The following COL10A1 variants were observed in gnomAD, a reference collection of about 807,000 sequenced individuals.
The protein encoded by COL10A1 is collagen type X alpha 1 chain, also known as collagen alpha-1(X) chain.
COL10A1 carries 10 observed loss-of-function variants against 18.2 expected under a neutral mutation model. The observed-to-expected ratio is 0.55, with a 90% confidence interval of 0.34 to 0.93. COL10A1 has a LOEUF of 0.93. COL10A1 is among the 40% of genes least tolerant of loss of function. The pLI, the probability that COL10A1 is intolerant of heterozygous loss-of-function variation, is 0.02. For missense variants in COL10A1, 897 were observed against 853.5 expected, an observed-to-expected ratio of 1.05 and a Z score of -0.64; for synonymous variants, 330 against 316.6, an observed-to-expected ratio of 1.04 and a Z score of -0.45.
upstream of COL10A1, among the ~76,000 whole-genome samples, chr6:116,163,141 A>ATATATATAT (rs1554197064): frequency 2.6e-4 from 23 of 88,398 alleles, no homozygotes; most frequent in African/African-American, 1.3e-3. Context: ...AAAAAAAAAA[A>ATATATATAT]ATATATATAT....
the COL10A1 span, among the ~76,000 whole-genome samples, chr6:116,189,722 G>GA: frequency 4.0e-5 from 6 of 149,422 alleles, no homozygotes; most frequent in Admixed American, 6.7e-5. Context: ...TTCTGAGGAT[G>GA]AAAAAAAAAT....
chr6:116,215,453 C>G, the COL10A1 span, among the ~76,000 whole-genome samples: 1 of 152,144 alleles, frequency 6.6e-6, no homozygotes, highest in Non-Finnish European at 1.5e-5. Context: ...AAGATTTCAT[C>G]TCTCCCTATG....
rs1779139180 is a variant in COL10A1 at position 116,121,805 on chromosome 6, G to A, written c.311C>T (p.Ala104Val). ...TCCTGGCACACCTGGTTTCCCTACA[G>A]CTGATGGTCCCGGTGGTCCTGGCAA... ...PGLPGPPGPS[A>V]VGKPGVPGLP... is the part of the protein sequence containing the mutation. Residue 104 changes from alanine (A) to valine (V), a missense_variant, in exon 3 of 3, where the codon GCT becomes GTT. Transcript: ENST00000651968. 1.1e-5 allele frequency: 18 copies of A among 1,613,906 alleles called. No homozygotes were observed. The highest frequency in any genetic ancestry group is 1.4e-5 in the Non-Finnish European group (17 of 1,179,928).
chr6:116,157,315 C>T lies in COL10A1; in HGVS notation c.-16+1299G>A, dbSNP rs144567712. Among the ~76,000 whole-genome samples, 518 of 152,210 alleles carry T rather than the reference C, an allele frequency of 3.4e-3. 15 individuals are homozygous for T. In the South Asian group the frequency reaches 0.045, roughly 13 times the overall value. On this transcript the variant is annotated intron_variant, in intron 1 of 1. Coordinates refer to the COL10A1 transcript ENST00000418500. Reference sequence around the variant, plus strand: ...TTGTGTGGCACCAGTCAGTTGTCAACGTAACTTGGTTAGTGGAACCCTAGA... The same window carrying T: ...TTGTGTGGCACCAGTCAGTTGTCAATGTAACTTGGTTAGTGGAACCCTAGA...
chr6:116,156,113 T>C (rs984265391), intron 1 of COL10A1, among the ~76,000 whole-genome samples: 8 of 152,184 alleles, frequency 5.3e-5, no homozygotes, highest in Non-Finnish European at 8.8e-5. Flanking sequence ...AGGTCAATAA[T>C]ACATATTTTC....
the COL10A1 span, among the ~76,000 whole-genome samples, chr6:116,173,180 C>T: frequency 2.3e-3 from 355 of 152,246 alleles, 2 homozygotes; most frequent in African/African-American, 7.9e-3. Flanking sequence ...TAAACCACAG[C>T]CCCTGGCAGT....
chr6:116,138,836 T>C (rs904355907), intron 1 of COL10A1, among the ~76,000 whole-genome samples: 1 of 152,126 alleles, frequency 6.6e-6, no homozygotes, highest in Non-Finnish European at 1.5e-5. Flanking sequence ...AACTATGATA[T>C]TGAGAGAGTA....
chr6:116,189,779 C>G, the COL10A1 span, among the ~76,000 whole-genome samples: 41 of 151,892 alleles, frequency 2.7e-4, no homozygotes, highest in Admixed American at 2.0e-4. Context: ...TACAAAAATC[C>G]ATTCATATGC....
the COL10A1 span, among the ~76,000 whole-genome samples, chr6:116,182,260 ATTTTCT>A: frequency 9.2e-5 from 9 of 97,826 alleles, no homozygotes; most frequent in South Asian, 2.7e-3. Flanking sequence ...TGTGTATCAC[ATTTTCT>A]TTTTCTTTAT....
chr6:116,151,413 A>G (rs1036816250), intron 1 of COL10A1, among the ~76,000 whole-genome samples: 1 of 152,214 alleles, frequency 6.6e-6, no homozygotes, highest in Non-Finnish European at 1.5e-5. Flanking sequence ...TTTTTGGTTT[A>G]TACCCTCTAA....
the COL10A1 span, among the ~76,000 whole-genome samples, chr6:116,184,334 C>G: frequency 6.6e-6 from 1 of 152,024 alleles, no homozygotes; most frequent in African/African-American, 2.4e-5. Context: ...CATTTATGTT[C>G]ATCAGGGATA....
Position 116,122,059 on chromosome 6 carries a change from T to G in COL10A1, c.155-98A>C, listed in dbSNP as rs1779148920. On this transcript the variant is annotated intron_variant, in intron 2 of 2. Transcript: ENST00000651968. ...CAAACTATGAATTGGGACACGATAT[T>G]TCAGCATCATTTATTCCATGTAGAC... The G allele has an allele frequency of 5.9e-6, 6 of 1,016,826 alleles. No individual in the cohort carries two copies. The South Asian group carries it at 7.6e-5, about 13-fold the overall frequency. 63.0% of individuals were successfully genotyped at this position (1,016,826 alleles called of 1,614,324 possible).
At chr6:116,194,162 A>C in the COL10A1 span, among the ~76,000 whole-genome samples, 13 of 152,120 alleles carry the variant, frequency 8.5e-5, no homozygotes, top group African/African-American at 3.1e-4. Context: ...CAGAATGTAC[A>C]AAAAATGTGA....
At chr6:116,136,313 T>TATGTA (rs1779599805) in intron 1 of COL10A1, among the ~76,000 whole-genome samples, 1 of 152,190 alleles carries the variant, frequency 6.6e-6, no homozygotes, top group South Asian at 2.1e-4. Flanking sequence ...GGTGTGTATG[T>TATGTA]ATGTAATATG....
In COL10A1 at chr6:116,119,047, C is replaced by T. The variant is rs1059277; in HGVS notation, c.*1026G>A. The stretch of plus-strand genomic sequence containing the variant: ...AAAATCTATTGATGTTATTTTATTG[C>T]GTCGTAAATAAGGAGTAGGTAAAAC... On this transcript the variant is annotated 3_prime_UTR_variant, in exon 3 of 3. Transcript: ENST00000651968. The T allele has an allele frequency of 0.051, 7,823 of 152,610 alleles. 230 individuals are homozygous for T. Among genetic ancestry groups the T allele is most frequent in the Middle Eastern group, 0.068 (20 of 294 alleles). The allele number at this position is 152,610 out of a possible 1,614,324, so 9.5% of individuals were successfully genotyped here. A position where few individuals can be genotyped will look rare whatever the true frequency, so the allele number is the denominator to read the frequency against.
the COL10A1 span, among the ~76,000 whole-genome samples, chr6:116,204,995 A>T: frequency 1.8e-4 from 27 of 152,010 alleles, no homozygotes; most frequent in Admixed American, 2.6e-4. Context: ...TATTGGAAAG[A>T]TACACACCAA....
chr6:116,133,783 C>G (rs1779523957), intron 1 of COL10A1, among the ~76,000 whole-genome samples: 1 of 152,148 alleles, frequency 6.6e-6, no homozygotes, highest in Non-Finnish European at 1.5e-5. Flanking sequence ...TAATGCTGAC[C>G]AGATCACCTG....
At chr6:116,161,257 G>A (rs1780323638), upstream of COL10A1, among the ~76,000 whole-genome samples, 1 of 150,534 alleles carries the variant, frequency 6.6e-6, no homozygotes, top group Non-Finnish European at 1.5e-5. Context: ...CGAGTTAGTG[G>A]GTACAGTGCA....
the COL10A1 span, among the ~76,000 whole-genome samples, chr6:116,177,031 A>G: frequency 5.3e-5 from 8 of 152,244 alleles, no homozygotes; most frequent in Non-Finnish European, 1.2e-4. Context: ...CAAAATGTCC[A>G]GAGAACTACA....
Sources: allele counts gnomAD v4.1 joint callset (sites outside exome capture counted in the v4.1 genomes callset), GRCh38; gene constraint gnomAD v4.1.1; transcripts MANE v1.5; gene names NCBI Gene and HGNC (gene_info 2026-07-23, HGNC 2026-07-21).